Variants in ROBO1 observed in about 807,000 individuals in gnomAD.
The protein encoded by ROBO1 is roundabout homolog 1.
Under a neutral mutation model 195.9 loss-of-function variants are expected in ROBO1, and 149 were observed. The ratio of observed to expected loss-of-function variants is 0.76; its 90% CI spans 0.67 to 0.87. The LOEUF is 0.87. Among genes scored for constraint, ROBO1 ranks in the 40% least tolerant of loss-of-function variants. ROBO1 has a pLI of 0.00. For synonymous variants in ROBO1, 816 were observed against 733.2 expected, an observed-to-expected ratio of 1.11 and a Z score of -1.82; for missense variants, 1,933 against 2,068.3, an observed-to-expected ratio of 0.93 and a Z score of 1.27.
intron 4 of ROBO1, among the ~76,000 whole-genome samples, chr3:78,881,293 C>T (rs866317542): frequency 2.6e-5 from 4 of 152,128 alleles, no homozygotes; most frequent in Non-Finnish European, 5.9e-5. Context: ...AAGTGTGTTA[C>T]GGAGCCCCTC....
At chr3:79,200,410 G>A (rs1364358575) in intron 2 of ROBO1, among the ~76,000 whole-genome samples, 1 of 151,200 alleles carries the variant, frequency 6.6e-6, no homozygotes, top group Admixed American at 6.6e-5. Context: ...TTCATTTCAG[G>A]ATTAAAAAAT....
intron 1 of ROBO1, among the ~76,000 whole-genome samples, chr3:79,751,607 C>T (rs1388324586): frequency 6.6e-6 from 1 of 152,042 alleles, no homozygotes; most frequent in Non-Finnish European, 1.5e-5. Flanking sequence ...GTTAAATGTA[C>T]AAGTGAAGTA....
At chr3:79,093,761 T>C (rs2108494601) in intron 3 of ROBO1, among the ~76,000 whole-genome samples, 1 of 152,120 alleles carries the variant, frequency 6.6e-6, no homozygotes, top group Middle Eastern at 3.4e-3. Flanking sequence ...ATGGGTACAT[T>C]AATGAATTCT....
At chr3:79,053,489 G>A (rs1219739520) in intron 3 of ROBO1, among the ~76,000 whole-genome samples, 1 of 151,758 alleles carries the variant, frequency 6.6e-6, no homozygotes, top group African/African-American at 2.4e-5. Flanking sequence ...ATGGCTCCAG[G>A]ACCAAACTAA....
At position 79,422,111 on chromosome 3, in the gene ROBO1, T is replaced by C. The variant is rs1232793012; in HGVS notation, c.88+167713A>G. The stretch of plus-strand genomic sequence containing the variant: ...TTATATATAAAAATATTTTTGATTA[T>C]ATATTTTATGCATATTATATACAAT... On this transcript the variant is annotated intron_variant, in intron 2 of 30. Transcript: ENST00000464233. Among the ~76,000 whole-genome samples, 4 of 148,292 alleles carry C rather than the reference T, an allele frequency of 2.7e-5. No individual in the cohort carries two copies. In the South Asian group the frequency reaches 6.2e-4, roughly 23 times the overall value.
At chr3:78,960,423 A>G (rs537315670) in intron 3 of ROBO1, among the ~76,000 whole-genome samples, 2 of 151,098 alleles carry the variant, frequency 1.3e-5, no homozygotes, top group East Asian at 3.9e-4. Flanking sequence ...TTATACATAA[A>G]CTTAAAACAA....
chr3:79,196,551 T>G (rs1475754758), intron 2 of ROBO1, among the ~76,000 whole-genome samples: 2 of 151,842 alleles, frequency 1.3e-5, no homozygotes, highest in Non-Finnish European at 1.5e-5. Context: ...GTGAGTTAAC[T>G]TATAGTGACT....
chr3:79,710,805 G>C (rs1315463976), intron 1 of ROBO1, among the ~76,000 whole-genome samples: 4 of 152,106 alleles, frequency 2.6e-5, no homozygotes, highest in Admixed American at 2.0e-4. Context: ...TGGTATAGAG[G>C]TGAAGGAACC....
intron 1 of ROBO1, among the ~76,000 whole-genome samples, chr3:79,625,424 A>G (rs1031611286): frequency 1.2e-4 from 9 of 74,684 alleles, no homozygotes; most frequent in South Asian, 7.5e-4. Flanking sequence ...GTTTTTTTTG[A>G]AAAAAAAAAA....
At chr3:78,712,033 A>C (rs1477664266) in intron 8 of ROBO1, among the ~76,000 whole-genome samples, 8 of 142,334 alleles carry the variant, frequency 5.6e-5, no homozygotes, top group Admixed American at 1.4e-4. Context: ...AAAAAAAAAA[A>C]AAAAAAAAAA....
intron 2 of ROBO1, among the ~76,000 whole-genome samples, chr3:79,559,401 C>A (rs2107703110): frequency 6.6e-6 from 1 of 152,126 alleles, no homozygotes; most frequent in Middle Eastern, 3.4e-3. Flanking sequence ...TGTAATATGT[C>A]TTAGATAAAA....
intron 3 of ROBO1, among the ~76,000 whole-genome samples, chr3:78,939,771 T>G (rs966084204): frequency 6.6e-6 from 1 of 151,396 alleles, no homozygotes; most frequent in Admixed American, 6.6e-5. Flanking sequence ...TAAATTAATT[T>G]TATTAATAAT....
chr3:78,786,845 A>G (rs775521947), intron 4 of ROBO1, among the ~76,000 whole-genome samples: 1 of 152,200 alleles, frequency 6.6e-6, no homozygotes, highest in Non-Finnish European at 1.5e-5. Context: ...TCTTCATAGC[A>G]GTATGAAAAT....
rs79395689 is a variant in ROBO1, at chr3:79,746,007, C to T, written c.-51+21745G>A. On this transcript the variant is annotated intron_variant, in intron 1 of 30. Transcript: ENST00000464233. ...TAACAGATACACTGGCCACAGAATA[C>T]GAGAATGTGCTTTGAAACTTTATAA... Among the ~76,000 whole-genome samples, 842 of 152,068 alleles carry T rather than the reference C, an allele frequency of 5.5e-3. 7 individuals carry two copies. Among genetic ancestry groups the T allele is most frequent in the African/African-American group, 0.017 (726 of 41,516 alleles).
At chr3:78,698,150 T>C (rs1559758471) in intron 8 of ROBO1, among the ~76,000 whole-genome samples, 1 of 152,074 alleles carries the variant, frequency 6.6e-6, no homozygotes, top group Non-Finnish European at 1.5e-5. Flanking sequence ...TGAAATAAGG[T>C]AGTGAGTTAA....
intron 3 of ROBO1, among the ~76,000 whole-genome samples, chr3:78,957,783 T>G (rs1330660490): frequency 6.6e-6 from 1 of 152,240 alleles, no homozygotes; most frequent in Non-Finnish European, 1.5e-5. Context: ...TCCATGCCAT[T>G]ACATGCTAAT....
chr3:78,939,647 C>T (rs1027712987), intron 3 of ROBO1, among the ~76,000 whole-genome samples: 1 of 150,358 alleles, frequency 6.7e-6, no homozygotes. Context: ...AAAAAAAATG[C>T]TATATACTAA....
At chr3:79,490,885 T>C (rs2107447159) in intron 2 of ROBO1, among the ~76,000 whole-genome samples, 1 of 152,222 alleles carries the variant, frequency 6.6e-6, no homozygotes. Flanking sequence ...CTTGAAGACT[T>C]ATTTTTCACT....
At chr3:78,945,426 T>C (rs927263866) in intron 3 of ROBO1, among the ~76,000 whole-genome samples, 2 of 152,118 alleles carry the variant, frequency 1.3e-5, no homozygotes, top group Admixed American at 6.5e-5. Context: ...AGTGGACCTC[T>C]AGCAAACTCT....
Sources: allele counts gnomAD v4.1 joint callset (sites outside exome capture counted in the v4.1 genomes callset), GRCh38; gene constraint gnomAD v4.1.1; transcripts MANE v1.5; gene names NCBI Gene and HGNC (gene_info 2026-07-23, HGNC 2026-07-21).